Variants in NRXN3 observed in about 807,000 individuals in gnomAD.
The protein encoded by NRXN3 is neurexin III.
In NRXN3, 32 loss-of-function variants were observed where a neutral mutation model predicts 137.6. That is an observed-to-expected ratio of 0.23 (90% CI 0.18 to 0.31). The LOEUF (loss-of-function observed/expected upper bound fraction) is 0.31. NRXN3 is among the 10% of genes least tolerant of loss of function. The probability of loss-of-function intolerance (pLI) is 1.00; values close to 1 mark genes in which losing one functional copy is unlikely to be tolerated. For synonymous variants in NRXN3, 798 were observed against 784.5 expected (o/e 1.02, Z -0.29); for missense variants, 1,574 against 2,062.5 (o/e 0.76, Z 4.59).
intron 17 of NRXN3, among the ~76,000 whole-genome samples, chr14:79,682,264 C>T (rs550363102): frequency 6.4e-4 from 97 of 152,254 alleles, no homozygotes; most frequent in Non-Finnish European, 9.4e-4. Flanking sequence ...TCTGTGAGCT[C>T]AGTACTTTGT....
At position 79,412,459 on chromosome 14, in the gene NRXN3, G is replaced by A. The variant is rs567272216; in HGVS notation, c.3263-54762G>A. Among the ~76,000 whole-genome samples, 8 of 152,038 alleles carry A rather than the reference G, an allele frequency of 5.3e-5. No individual in the cohort carries two copies. The South Asian group carries it at 1.7e-3, about 32-fold the overall frequency. Reference sequence around the variant, plus strand: ...AAGATTCTGAGATCTAGGGGCAAAAGGGATTTTGAGAGTGCAAGTGAATTA... The same window carrying A: ...AAGATTCTGAGATCTAGGGGCAAAAAGGATTTTGAGAGTGCAAGTGAATTA... On this transcript the variant is annotated intron_variant, in intron 15 of 20. Transcript: ENST00000335750.
intron 10 of NRXN3, among the ~76,000 whole-genome samples, chr14:78,936,340 C>A (rs2099338662): frequency 6.6e-6 from 1 of 152,212 alleles, no homozygotes; most frequent in South Asian, 2.1e-4. Context: ...ATATTCCCCA[C>A]CACCTCTTTT....
chr14:79,158,147 TA>T (rs1596585075), intron 15 of NRXN3, among the ~76,000 whole-genome samples: 2 of 151,934 alleles, frequency 1.3e-5, no homozygotes, highest in East Asian at 3.9e-4. Flanking sequence ...TATTCTCCTT[TA>T]TGCTAGGTGA....
At chr14:79,821,460 A>G (rs932262) in intron 20 of NRXN3, among the ~76,000 whole-genome samples, 136,975 of 152,216 alleles carry the variant, frequency 0.9, 61,650 homozygotes, top group East Asian at 0.96. Flanking sequence ...TTTTAAAAAC[A>G]CTAAAATAAA....
intron 4 of NRXN3, among the ~76,000 whole-genome samples, chr14:78,370,783 G>T (rs148378320): frequency 1.9e-3 from 296 of 152,324 alleles, no homozygotes; most frequent in African/African-American, 6.8e-3. Flanking sequence ...GTTTAAGTAT[G>T]GATGTCTAAG....
chr14:79,208,801 A>C (rs1029223485), intron 15 of NRXN3, among the ~76,000 whole-genome samples: 1 of 152,226 alleles, frequency 6.6e-6, no homozygotes, highest in Non-Finnish European at 1.5e-5. Flanking sequence ...CCTTAGAATC[A>C]ATTTTCAGAA....
chr14:79,421,839 T>C (rs563220942), intron 15 of NRXN3, among the ~76,000 whole-genome samples: 7 of 152,352 alleles, frequency 4.6e-5, no homozygotes, highest in South Asian at 4.1e-4. Context: ...CTATTGTTTA[T>C]AAATATAATT....
chr14:79,719,427 C>T (rs981121291), intron 19 of NRXN3, among the ~76,000 whole-genome samples: 5 of 32,616 alleles, frequency 1.5e-4, no homozygotes, highest in African/African-American at 4.5e-4. Context: ...TATACCTTTC[C>T]CATTTCAAAA....
At chr14:78,811,023 A>G (rs2098909585) in intron 10 of NRXN3, among the ~76,000 whole-genome samples, 1 of 152,202 alleles carries the variant, frequency 6.6e-6, no homozygotes, top group African/African-American at 2.4e-5. Flanking sequence ...AGAAGTAAAC[A>G]TTAGCTTGAG....
intron 15 of NRXN3, among the ~76,000 whole-genome samples, chr14:79,082,653 A>G (rs2047292020): frequency 6.6e-6 from 1 of 152,170 alleles, no homozygotes. Flanking sequence ...GATCAGTGGA[A>G]CAATACCTAG....
At chr14:79,443,188 A>AC (rs970435148) in intron 15 of NRXN3, among the ~76,000 whole-genome samples, 3 of 152,208 alleles carry the variant, frequency 2.0e-5, no homozygotes, top group African/African-American at 7.2e-5. Context: ...CATGTATTTG[A>AC]CTTCCTCCTT....
chr14:79,022,484 C>T (rs995062645), intron 15 of NRXN3, among the ~76,000 whole-genome samples: 5 of 152,114 alleles, frequency 3.3e-5, no homozygotes. Context: ...ACTGACAGGT[C>T]AAAAGCAAGA....
intron 15 of NRXN3, among the ~76,000 whole-genome samples, chr14:79,371,273 C>A (rs2094101296): frequency 6.6e-6 from 1 of 152,090 alleles, no homozygotes; most frequent in Non-Finnish European, 1.5e-5. Context: ...ATACACCATA[C>A]CTTTTAAAAT....
intron 19 of NRXN3, among the ~76,000 whole-genome samples, chr14:79,770,506 A>G (rs2099073742): frequency 7.3e-6 from 1 of 136,122 alleles, no homozygotes; most frequent in Non-Finnish European, 1.6e-5. Context: ...AAACTGAACA[A>G]CCTGCTCCTG....
chr14:79,052,487 C>T (rs1397799173), intron 15 of NRXN3, among the ~76,000 whole-genome samples: 1 of 152,164 alleles, frequency 6.6e-6, no homozygotes, highest in Non-Finnish European at 1.5e-5. Flanking sequence ...TTGGAAAGAG[C>T]AGTGGGATAC....
chr14:79,576,159 T>G (rs1453142835), intron 16 of NRXN3, among the ~76,000 whole-genome samples: 1 of 152,122 alleles, frequency 6.6e-6, no homozygotes, highest in Admixed American at 6.6e-5. Context: ...GGAGCAGAAA[T>G]AAATTAAAAA....
intron 4 of NRXN3, among the ~76,000 whole-genome samples, chr14:78,501,885 G>A (rs2095883407): frequency 6.6e-6 from 1 of 152,112 alleles, no homozygotes; most frequent in Non-Finnish European, 1.5e-5. Context: ...AATCTGGAAA[G>A]GACATTAGAG....
chr14:78,390,638 C>G (rs577128731), intron 4 of NRXN3, among the ~76,000 whole-genome samples: 1 of 152,226 alleles, frequency 6.6e-6, no homozygotes, highest in South Asian at 2.1e-4. Context: ...GTGTTTCTTC[C>G]GAGTCTAACT....
chr14:79,259,573 A>C (rs191864138), intron 15 of NRXN3, among the ~76,000 whole-genome samples: 8 of 148,120 alleles, frequency 5.4e-5, no homozygotes, highest in African/African-American at 2.0e-4. Flanking sequence ...ATAGTTATCT[A>C]TATATAGCTA....
Sources: allele counts gnomAD v4.1 joint callset (sites outside exome capture counted in the v4.1 genomes callset), GRCh38; gene constraint gnomAD v4.1.1; transcripts MANE v1.5; gene names NCBI Gene and HGNC (gene_info 2026-07-23, HGNC 2026-07-21).